The following IQUB variants were observed in gnomAD, a reference collection of about 807,000 sequenced individuals.
IQUB encodes IQ motif and ubiquitin domain containing.
In IQUB, 86 loss-of-function variants were observed where a neutral mutation model predicts 86.4. The observed-to-expected ratio is 1.00, with a 90% CI of 0.84 to 1.19. The LOEUF (loss-of-function observed/expected upper bound fraction) is 1.19, where lower values mean the gene tolerates loss of function less well. Ranked by LOEUF, IQUB falls within the 50% of genes most tolerant of loss-of-function variation. The pLI is 0.00. For missense variants in IQUB, 946 were observed against 916.9 expected, an observed-to-expected ratio of 1.03 and a Z score of -0.41; for synonymous variants, 289 against 304.5, an observed-to-expected ratio of 0.95 and a Z score of 0.53.
intron 1 of IQUB, chr7:123,532,563 T>C (rs1438306015): frequency 6.6e-6 from 1 of 152,086 alleles, no homozygotes; most frequent in African/African-American, 2.4e-5. Flanking sequence ...TTGGGTAACT[T>C]CAAGACAAAA....
intron 6 of IQUB, 94 bp from the exon 7 acceptor site, chr7:123,497,000 C>A: frequency 1.4e-6 from 1 of 736,016 alleles, no homozygotes; most frequent in Non-Finnish European, 2.1e-6. Flanking sequence ...TCCAATTCCA[C>A]AACAAAATAA....
Position 123,512,221 on chromosome 7 carries a change from A to G in IQUB, c.120T>C (p.Asp40=), listed in dbSNP as rs755493655. 2 of 1,613,736 alleles carry G rather than the reference A, an allele frequency of 1.2e-6. No homozygotes were observed. Among genetic ancestry groups the G allele is most frequent in the East Asian group, 4.5e-5 (2 of 44,866 alleles). Residue 40 remains aspartate, a synonymous_variant, in exon 2 of 13, where the codon GAT becomes GAC. Coordinates refer to ENST00000324698, the MANE Select transcript of IQUB (RefSeq NM_178827.5). The stretch of plus-strand genomic sequence containing the variant: ...TTCCAGATTCATGCTCTTCAGTTTG[A>G]TCTGACTCTTGAGGCTCTTCTGAGG... ...PVPSEEPQES[D]QTEEHESGIE...
At chr7:123,462,627 A>C in intron 10 of IQUB, 1 of 252,914 alleles carries the variant, frequency 4.0e-6, no homozygotes, top group South Asian at 4.2e-5. Flanking sequence ...TGTATGATCA[A>C]AGATCAAGAA....
At chr7:123,481,987 A>G (rs1272570243) in intron 7 of IQUB, among the ~76,000 whole-genome samples, 1 of 152,080 alleles carries the variant, frequency 6.6e-6, no homozygotes, top group Non-Finnish European at 1.5e-5. Context: ...CACACTTGAA[A>G]AAAAGTGACA....
intron 7 of IQUB, among the ~76,000 whole-genome samples, chr7:123,486,870 G>C (rs926128858): frequency 1.0e-5 from 1 of 99,264 alleles, no homozygotes; most frequent in East Asian, 3.4e-4. Context: ...CAGGTAATAA[G>C]CTTATTCAGC....
intron 9 of IQUB, among the ~76,000 whole-genome samples, chr7:123,467,482 T>C (rs1290943141): frequency 6.6e-6 from 1 of 152,134 alleles, no homozygotes; most frequent in Non-Finnish European, 1.5e-5. Flanking sequence ...CTCAGGGACA[T>C]CCTGAATCAA....
chr7:123,511,904 A>C lies in IQUB; in HGVS notation c.397+40T>G, dbSNP rs771755542. On this transcript the variant is annotated intron_variant, in intron 2 of 12. Coordinates refer to ENST00000324698, the MANE Select transcript of IQUB (RefSeq NM_178827.5). ...AACAAGAAAACGCATTCATTCTTCA[A>C]AATGAGAAAATGAAATAGCCTATCT... 2.8e-6 allele frequency: 4 copies of C among 1,443,148 alleles called. No homozygotes were observed. In the Admixed American group the frequency reaches 9.2e-5, roughly 33 times the overall value. 89.4% of individuals were successfully genotyped at this position (1,443,148 alleles called of 1,614,324 possible).
chr7:123,471,835 A>G (rs1404245778), intron 8 of IQUB, among the ~76,000 whole-genome samples: 1 of 152,192 alleles, frequency 6.6e-6, no homozygotes, highest in Non-Finnish European at 1.5e-5. Context: ...AAAACACACA[A>G]GTATACAATG....
At chr7:123,507,019 T>C (rs1239975966) in intron 3 of IQUB, among the ~76,000 whole-genome samples, 1 of 152,248 alleles carries the variant, frequency 6.6e-6, no homozygotes. Context: ...TGCTGTTTTG[T>C]GTCATGGAAA....
chr7:123,458,177 A>G (rs912138122), intron 11 of IQUB: 5 of 152,054 alleles, frequency 3.3e-5, no homozygotes, highest in African/African-American at 1.2e-4. Flanking sequence ...AAGAGGGGTA[A>G]TGAAATAGCT....
chr7:123,464,237 C>T (rs1297946897), intron 10 of IQUB, among the ~76,000 whole-genome samples: 5 of 151,762 alleles, frequency 3.3e-5, no homozygotes, highest in Non-Finnish European at 7.4e-5. Context: ...TTTGTCTTGG[C>T]TTTAGAGAGC....
At position 123,506,019 on chromosome 7, in the gene IQUB, C is replaced by T. The variant is rs180695576; in HGVS notation, c.533-2656G>A. ...TTTGCTGTTTAGAAATTTCTTCCAC[C>T]AGATACCCTAAATCACCACTTTCAA... On this transcript the variant is annotated intron_variant, in intron 3 of 12. Transcript: ENST00000324698. 6.0e-4 allele frequency among the ~76,000 whole-genome samples: 91 copies of T among 152,230 alleles called. 1 individual carries two copies. The highest frequency in any genetic ancestry group is 2.1e-3 in the African/African-American group (86 of 41,540).
intron 1 of IQUB, among the ~76,000 whole-genome samples, chr7:123,518,049 T>G (rs914755201): frequency 6.6e-6 from 1 of 152,188 alleles, no homozygotes; most frequent in Non-Finnish European, 1.5e-5. Flanking sequence ...ATAATAAATT[T>G]CATAACTGTA....
chr7:123,471,025 T>C (rs1335798779), intron 8 of IQUB, among the ~76,000 whole-genome samples: 1 of 152,168 alleles, frequency 6.6e-6, no homozygotes, highest in Non-Finnish European at 1.5e-5. Context: ...AATGGCATCA[T>C]ATTCAGATCA....
chr7:123,519,202 T>A (rs781228258), intron 1 of IQUB, among the ~76,000 whole-genome samples: 6 of 152,126 alleles, frequency 3.9e-5, no homozygotes, highest in Non-Finnish European at 8.8e-5. Context: ...TAGTACACTG[T>A]TAGCGGGAAA....
chr7:123,486,036 G>GA (rs1396273913), intron 7 of IQUB, among the ~76,000 whole-genome samples: 3 of 152,138 alleles, frequency 2.0e-5, no homozygotes, highest in African/African-American at 7.2e-5. Flanking sequence ...CAAACAGCTG[G>GA]AAGTCAGGAC....
chr7:123,475,475 C>T (rs970309062), intron 8 of IQUB, among the ~76,000 whole-genome samples: 1 of 147,596 alleles, frequency 6.8e-6, no homozygotes, highest in Non-Finnish European at 1.5e-5. Flanking sequence ...TCTGGAATCA[C>T]TTTCATATGT....
Position 123,452,642 on chromosome 7 carries a change from C to T in IQUB, c.*101G>A. The T allele has an allele frequency of 1.4e-6, 1 of 700,944 alleles. No homozygotes were observed. The allele number at this position is 700,944 out of a possible 1,614,324, so 43.4% of individuals were successfully genotyped here. ...TACTATGAAAAACAAAAAACAAAAT[C>T]AATAAACAGATTAAATTCCATTTCC... On this transcript the variant is annotated 3_prime_UTR_variant, in exon 13 of 13. Coordinates refer to ENST00000324698, the MANE Select transcript of IQUB (RefSeq NM_178827.5).
At chr7:123,453,442 T>A (rs916118109) in intron 12 of IQUB, among the ~76,000 whole-genome samples, 4 of 149,560 alleles carry the variant, frequency 2.7e-5, no homozygotes, top group African/African-American at 9.8e-5. Flanking sequence ...TAACCTTATA[T>A]AATTATATAT....
Sources: allele counts gnomAD v4.1 joint callset (sites outside exome capture counted in the v4.1 genomes callset), GRCh38; gene constraint gnomAD v4.1.1; transcripts MANE v1.5; gene names NCBI Gene and HGNC (gene_info 2026-07-23, HGNC 2026-07-21).